CSPP1: variants seen among roughly 807,000 people sequenced by gnomAD.
The protein encoded by CSPP1 is centrosome and spindle pole associated protein 1.
CSPP1 carries 126 observed loss-of-function variants against 164.4 expected under a neutral mutation model. That is an observed-to-expected ratio of 0.77 (90% CI 0.66 to 0.89). CSPP1 has a LOEUF of 0.89. Among genes scored for constraint, CSPP1 ranks in the 40% least tolerant of loss-of-function variants. CSPP1 has a pLI of 0.00. For missense variants in CSPP1, 1,395 were observed against 1,449.8 expected, an observed-to-expected ratio of 0.96 and a Z score of 0.61; for synonymous variants, 472 against 476.7, an observed-to-expected ratio of 0.99 and a Z score of 0.13.
intron 5 of CSPP1, among the ~76,000 whole-genome samples, chr8:67,092,550 G>C (rs1051697014): frequency 1.3e-5 from 2 of 152,100 alleles, no homozygotes; most frequent in Non-Finnish European, 2.9e-5. Flanking sequence ...CGATTCTCCT[G>C]CATCAGCCTC....
Position 67,126,282 on chromosome 8 carries a change from C to G in CSPP1, c.1698-5669C>G, listed in dbSNP as rs1820046948. Reference sequence around the variant, plus strand: ...CCCCGTATGTATGGCTTATAATTCTCTATTTCTTTGCAAGTGTCATAATTT... The same window carrying G: ...CCCCGTATGTATGGCTTATAATTCTGTATTTCTTTGCAAGTGTCATAATTT... On this transcript the variant is annotated intron_variant, in intron 15 of 30. Transcript: ENST00000678616. 2.6e-5 allele frequency among the ~76,000 whole-genome samples: 4 copies of G among 152,286 alleles called. No homozygotes were observed. The South Asian group carries it at 6.2e-4, about 24-fold the overall frequency.
rs745605411 is a variant in CSPP1, at chr8:67,091,811, T to C, written c.312T>C (p.Phe104=). 4 of 1,312,784 alleles carry C rather than the reference T, an allele frequency of 3.0e-6. No homozygotes were observed. Among genetic ancestry groups the C allele is most frequent in the Admixed American group, 4.3e-5 (2 of 46,032 alleles). 81.3% of individuals were successfully genotyped at this position (1,312,784 alleles called of 1,614,324 possible). The change falls in exon 5 of 31, where the codon TTT becomes TTC. Residue 104 remains phenylalanine (F), a synonymous_variant. Transcript: ENST00000678616. ...DYRRYLTQKN[F]LSTSETDPST... ...AATGTGTATATATACAGAAAAATTT[T>C]CTATCTACGAGTGAAACAGATCCAT...
At chr8:67,190,542 T>C in intron 28 of CSPP1, 108 bp from the exon 29 acceptor site, 4 of 770,352 alleles carry the variant, frequency 5.2e-6, no homozygotes, top group Non-Finnish European at 9.2e-6. Context: ...TTGAGTGTGT[T>C]TCATGGTATT....
In CSPP1 at chr8:67,172,448, ATATGGCTAGACATCGG is replaced by A. The variant is rs769911687; in HGVS notation, c.2863_2878del (p.Met955CysfsTer13). On this transcript the variant is annotated frameshift_variant, in exon 25 of 31. Transcript: ENST00000678616. LOFTEE classifies it high-confidence loss of function. ...GAAAGGAATCCCATGGATATATTTGATATGGCTAGACATCGGTTGCAAGCTCCTGTCAGAAGACAGT... is the reference window on the plus strand; with the variant it reads ...GAAAGGAATCCCATGGATATATTTGATTGCAAGCTCCTGTCAGAAGACAGT... The A allele has an allele frequency of 2.5e-6, 4 of 1,613,224 alleles. No individual in the cohort carries two copies. The highest frequency in any genetic ancestry group is 3.4e-6 in the Non-Finnish European group (4 of 1,179,218).
chr8:67,130,167 A>T (rs1438167997), intron 15 of CSPP1, among the ~76,000 whole-genome samples: 1 of 152,202 alleles, frequency 6.6e-6, no homozygotes, highest in African/African-American at 2.4e-5. Flanking sequence ...ATAGGCAGAG[A>T]GTCCTGGAAA....
chr8:67,132,198 C>A, intron 16 of CSPP1, 118 bp downstream of exon 16: 1 of 1,096,066 alleles, frequency 9.1e-7, no homozygotes, highest in Non-Finnish European at 1.3e-6. Context: ...ATTCAAAATG[C>A]TGAGTTTTGA....
At position 67,195,700 on chromosome 8, in the gene CSPP1, T is replaced by TC. The variant is rs1006314875; in HGVS notation, c.*109dup. The TC allele has an allele frequency of 3.8e-6, 3 of 796,536 alleles. No homozygotes were observed. Among genetic ancestry groups the TC allele is most frequent in the African/African-American group, 1.7e-5 (1 of 57,148 alleles). The allele number at this position is 796,536 out of a possible 1,614,324, so 49.3% of individuals were successfully genotyped here. On this transcript the variant is annotated 3_prime_UTR_variant, in exon 31 of 31. Transcript: ENST00000678616. ...GCCCCTACCTGAAAGTTACTTTTTT[T>TC]CCATCATCTGTATATAAAATTATTT...
intron 15 of CSPP1, among the ~76,000 whole-genome samples, chr8:67,123,610 GTT>G (rs566476440): frequency 3.9e-5 from 5 of 128,108 alleles, no homozygotes; most frequent in Admixed American, 7.9e-5. Context: ...TTTCTTCTTC[GTT>G]TTTTTTTTTT....
At chr8:67,189,326 C>T (rs1379949318) in intron 28 of CSPP1, among the ~76,000 whole-genome samples, 4 of 152,156 alleles carry the variant, frequency 2.6e-5, no homozygotes, top group Admixed American at 6.5e-5. Context: ...ATACTTATAG[C>T]ACCTTTATTC....
At chr8:67,141,387 C>T (rs770131638) in intron 17 of CSPP1, among the ~76,000 whole-genome samples, 19 of 152,150 alleles carry the variant, frequency 1.2e-4, no homozygotes, top group Admixed American at 1.3e-4. Flanking sequence ...TATTTAATGC[C>T]GTCTTCATGC....
chr8:67,070,590 G>A (rs996483409), intron 1 of CSPP1, among the ~76,000 whole-genome samples: 1 of 151,516 alleles, frequency 6.6e-6, no homozygotes, highest in Non-Finnish European at 1.5e-5. Context: ...AACTATGATC[G>A]TGCCACTGCA....
chr8:67,127,277 T>C (rs1487429082), intron 15 of CSPP1, among the ~76,000 whole-genome samples: 2 of 152,196 alleles, frequency 1.3e-5, no homozygotes, highest in African/African-American at 2.4e-5. Context: ...AGACATTTTT[T>C]CTTGGTTTTG....
rs748730202 is a variant in CSPP1 at position 67,161,919 on chromosome 8, T to G, written c.2643+4T>G. ...CATCATACGTTCCTTTATTCATGTA[T>G]GTACTTTTGTTTTTATTTGTTCATC... On this transcript the variant is annotated splice_donor_region_variant and intron_variant, in intron 22 of 30. Coordinates refer to ENST00000678616, the MANE Select transcript of CSPP1 (RefSeq NM_001382391.1). 5 of 1,567,366 alleles carry G rather than the reference T, an allele frequency of 3.2e-6. No individual in the cohort carries two copies. Among genetic ancestry groups the G allele is most frequent in the Non-Finnish European group, 4.4e-6 (5 of 1,138,856 alleles).
chr8:67,081,753 G>GT (rs1018485386), intron 3 of CSPP1, among the ~76,000 whole-genome samples: 2 of 152,104 alleles, frequency 1.3e-5, no homozygotes, highest in African/African-American at 2.4e-5. Flanking sequence ...CCACCACCCA[G>GT]TTTTTTTAAG....
intron 25 of CSPP1, chr8:67,175,074 A>T: frequency 2.1e-6 from 1 of 476,968 alleles, no homozygotes; most frequent in Admixed American, 3.4e-5. Flanking sequence ...GGTATTCCTT[A>T]TGTTGGTAAG....
At chr8:67,175,522 C>A in intron 26 of CSPP1, 86 bp downstream of exon 26, 1 of 1,493,904 alleles carries the variant, frequency 6.7e-7, no homozygotes, top group East Asian at 2.4e-5. Flanking sequence ...GATTTCATTC[C>A]CAGGCATCCT....
At chr8:67,078,430 T>C (rs1305406696) in intron 3 of CSPP1, among the ~76,000 whole-genome samples, 1 of 152,024 alleles carries the variant, frequency 6.6e-6, no homozygotes, top group Non-Finnish European at 1.5e-5. Context: ...CAACCTCCAC[T>C]GTCCAGGCTT....
intron 7 of CSPP1, among the ~76,000 whole-genome samples, chr8:67,101,996 A>G (rs1814223107): frequency 6.6e-6 from 1 of 152,234 alleles, no homozygotes. Flanking sequence ...GTTTTATGGT[A>G]TGAGAAATTA....
chr8:67,067,194 C>T (rs911640225), intron 1 of CSPP1, among the ~76,000 whole-genome samples: 6 of 152,212 alleles, frequency 3.9e-5, no homozygotes, highest in Non-Finnish European at 8.8e-5. Context: ...ATAGGAGCAA[C>T]ATTTTCCCAT....
Sources: gnomAD v4.1 joint callset for allele counts (sites outside exome capture counted in the v4.1 genomes callset) on GRCh38, gnomAD v4.1.1 for gene constraint, MANE v1.5 for transcripts, NCBI Gene and HGNC (gene_info 2026-07-23, HGNC 2026-07-21) for gene names.